Variants in RELCH observed in about 807,000 individuals in gnomAD.
The protein encoded by RELCH is RAB11 binding and LisH domain, coiled-coil and HEAT repeat containing.
In RELCH, 41 loss-of-function variants were observed where a neutral mutation model predicts 150.3. The observed-to-expected ratio is 0.27, with a 90% CI of 0.21 to 0.35. RELCH has a LOEUF of 0.35. Among genes scored for constraint, RELCH ranks in the 10% least tolerant of loss-of-function variants. RELCH has a pLI of 1.00. For synonymous variants in RELCH, 478 were observed against 531.8 expected, an observed-to-expected ratio of 0.90 and a Z score of 1.39; for missense variants, 1,092 against 1,467.8, an observed-to-expected ratio of 0.74 and a Z score of 4.18.
intron 9 of RELCH, among the ~76,000 whole-genome samples, 190 bp downstream of exon 9, chr18:62,231,459 G>A (rs1418434399): frequency 2.0e-5 from 3 of 151,816 alleles, no homozygotes; most frequent in Non-Finnish European, 4.4e-5. Context: ...GATTATTTCT[G>A]TTTTTTCTAT....
At chr18:62,205,953 A>G (rs568084438) in intron 1 of RELCH, among the ~76,000 whole-genome samples, 1 of 152,128 alleles carries the variant, frequency 6.6e-6, no homozygotes, top group Non-Finnish European at 1.5e-5. Context: ...GAGCCCAGGA[A>G]GTCGAGACTG....
chr18:62,269,262 CG>C, intron 20 of RELCH: 1 of 253,392 alleles, frequency 3.9e-6, no homozygotes, highest in Middle Eastern at 1.3e-3. Context: ...AGAACACATA[CG>C]TTAGGTGAAC....
intron 8 of RELCH, among the ~76,000 whole-genome samples, 189 bp downstream of exon 8, chr18:62,228,787 T>G (rs545443745): frequency 6.6e-6 from 1 of 152,094 alleles, no homozygotes; most frequent in Non-Finnish European, 1.5e-5. Flanking sequence ...AGTTACTAAA[T>G]TAAATTAAAT....
At chr18:62,211,392 T>C (rs923695857) in intron 2 of RELCH, 150 bp downstream of exon 2, 4 of 505,928 alleles carry the variant, frequency 7.9e-6, no homozygotes, top group Non-Finnish European at 1.4e-5. Context: ...ACTAATTTAC[T>C]GCAAGTTTGG....
chr18:62,241,493 C>A (rs575089715), intron 10 of RELCH, among the ~76,000 whole-genome samples: 6 of 152,088 alleles, frequency 3.9e-5, no homozygotes, highest in African/African-American at 1.2e-4. Context: ...CTAATATTAC[C>A]CAAGCCATAG....
At chr18:62,222,638 A>G (rs943361364) in intron 5 of RELCH, among the ~76,000 whole-genome samples, 4 of 152,072 alleles carry the variant, frequency 2.6e-5, no homozygotes, top group African/African-American at 9.6e-5. Flanking sequence ...GATGTCAACA[A>G]TGCTCTCTCA....
At chr18:62,253,766 C>T (rs2144596847) in intron 12 of RELCH, among the ~76,000 whole-genome samples, 1 of 152,228 alleles carries the variant, frequency 6.6e-6, no homozygotes, top group South Asian at 2.1e-4. Context: ...GTCACAATCC[C>T]TTATACCATC....
At chr18:62,266,140 A>C (rs1287495713) in intron 18 of RELCH, among the ~76,000 whole-genome samples, 2 of 151,756 alleles carry the variant, frequency 1.3e-5, no homozygotes. Context: ...AATAATAAAA[A>C]ATTTAAACAA....
At chr18:62,278,636 C>T (rs1229466648) in intron 22 of RELCH, among the ~76,000 whole-genome samples, 1 of 152,066 alleles carries the variant, frequency 6.6e-6, no homozygotes, top group African/African-American at 2.4e-5. Flanking sequence ...ACTAGGTAAA[C>T]AGATTGGTGA....
chr18:62,299,022 A>T (rs1374218205), intron 28 of RELCH, among the ~76,000 whole-genome samples, 162 bp downstream of exon 28: 1 of 152,176 alleles, frequency 6.6e-6, no homozygotes, highest in Non-Finnish European at 1.5e-5. Flanking sequence ...CCTGGTCCAT[A>T]AACTATCTCA....
chr18:62,190,639 A>T (rs1423448206), intron 1 of RELCH, among the ~76,000 whole-genome samples: 1 of 152,134 alleles, frequency 6.6e-6, no homozygotes, highest in African/African-American at 2.4e-5. Flanking sequence ...TTATCCCCAG[A>T]ATTCCTTCAT....
intron 22 of RELCH, among the ~76,000 whole-genome samples, chr18:62,278,467 G>A (rs934960375): frequency 6.6e-6 from 1 of 152,200 alleles, no homozygotes; most frequent in South Asian, 2.1e-4. Context: ...GGTAAATGGT[G>A]AAAAATCATT....
Position 62,261,569 on chromosome 18 carries a change from C to G in RELCH, c.2261C>G (p.Ser754Cys). The change falls in exon 16 of 29, where the codon TCC becomes TGC. Residue 754 changes from serine to cysteine, a missense_variant. Transcript: ENST00000644646. ...KLHMYLSALQ[S>C]LIPSLFALVL... is the part of the protein sequence containing the mutation. ...CACATGTATCTTTCTGCCTTGCAGTCCTTGATCCCATCTCTCTTTGCATTA... is the reference window on the plus strand; with the variant it reads ...CACATGTATCTTTCTGCCTTGCAGTGCTTGATCCCATCTCTCTTTGCATTA... 1 of 1,612,116 alleles carries G rather than the reference C, an allele frequency of 6.2e-7. No homozygotes were observed. The highest frequency in any genetic ancestry group is 8.5e-7 in the Non-Finnish European group (1 of 1,178,772).
chr18:62,269,965 T>G (rs573539856), intron 20 of RELCH, among the ~76,000 whole-genome samples: 32 of 152,308 alleles, frequency 2.1e-4, no homozygotes, highest in African/African-American at 7.7e-4. Flanking sequence ...CATAACAAAC[T>G]ACCCCAAAAC....
chr18:62,203,239 C>T (rs371204240), intron 1 of RELCH, among the ~76,000 whole-genome samples: 2 of 152,284 alleles, frequency 1.3e-5, no homozygotes, highest in East Asian at 1.9e-4. Flanking sequence ...AGGCAGATCA[C>T]GAGGTCAAGA....
chr18:62,196,103 C>T (rs1171773162), intron 1 of RELCH, among the ~76,000 whole-genome samples: 2 of 152,180 alleles, frequency 1.3e-5, no homozygotes, highest in Non-Finnish European at 2.9e-5. Context: ...TAAGATGTCA[C>T]GATTGCTTTC....
Position 62,310,077 on chromosome 18 carries a change from T to C in RELCH, c.*4543T>C, listed in dbSNP as rs1288680033. The C allele has an allele frequency of 9.0e-6, 1 of 111,356 alleles. No homozygotes were observed. The highest frequency in any genetic ancestry group is 1.9e-5 in the Non-Finnish European group (1 of 52,898). 6.9% of individuals were successfully genotyped at this position (111,356 alleles called of 1,614,324 possible). On this transcript the variant is annotated 3_prime_UTR_variant, in exon 29 of 29. Transcript: ENST00000644646. Reference sequence around the variant, plus strand: ...AATCTCTCTATAAAATGTACATTGCTGAGTAATATAAATATAATAATTTCT... The same window carrying C: ...AATCTCTCTATAAAATGTACATTGCCGAGTAATATAAATATAATAATTTCT...
chr18:62,187,462 G>T lies in RELCH; in HGVS notation c.-44G>T. 1 of 1,487,580 alleles carries T rather than the reference G, an allele frequency of 6.7e-7. No individual in the cohort carries two copies. The highest frequency in any genetic ancestry group is 8.9e-7 in the Non-Finnish European group (1 of 1,119,206). 92.1% of individuals were successfully genotyped at this position (1,487,580 alleles called of 1,614,324 possible). On this transcript the variant is annotated 5_prime_UTR_variant, in exon 1 of 29. Coordinates refer to ENST00000644646, the MANE Select transcript of RELCH (RefSeq NM_001346231.2). Reference sequence around the variant, plus strand: ...GCCTAGAGGATTCGGGCTGCGGCCCGTCGGAACCAGTCAGGGAGGCGCCCA... The same window carrying T: ...GCCTAGAGGATTCGGGCTGCGGCCCTTCGGAACCAGTCAGGGAGGCGCCCA...
intron 10 of RELCH, among the ~76,000 whole-genome samples, chr18:62,240,414 C>CTT (rs1057403539): frequency 7.1e-6 from 1 of 140,678 alleles, no homozygotes. Context: ...TTTTCTTTTT[C>CTT]TTTTTTTTTT....
Sources: allele counts gnomAD v4.1 joint callset (sites outside exome capture counted in the v4.1 genomes callset), GRCh38; gene constraint gnomAD v4.1.1; transcripts MANE v1.5; gene names NCBI Gene and HGNC (gene_info 2026-07-23, HGNC 2026-07-21).